Variants in ZFP36L2 observed in about 807,000 individuals in gnomAD.
ZFP36L2 encodes the protein mRNA decay activator protein ZFP36L2.
Under a neutral mutation model 27.9 loss-of-function variants are expected in ZFP36L2, and 16 were observed. That is an observed-to-expected ratio of 0.57 (90% confidence interval 0.39 to 0.87). The LOEUF (loss-of-function observed/expected upper bound fraction) is 0.87, where lower values mean the gene tolerates loss of function less well. Among genes scored for constraint, ZFP36L2 ranks in the 40% least tolerant of loss-of-function variants. ZFP36L2 has a pLI of 0.00. For missense variants in ZFP36L2, 989 were observed against 726.9 expected, an observed-to-expected ratio of 1.36 and a Z score of -4.15; for synonymous variants, 600 against 363.8, an observed-to-expected ratio of 1.65 and a Z score of -7.39.
chr2:43,226,530 A>G lies in ZFP36L2; in HGVS notation c.-215T>C. The G allele has an allele frequency of 1.8e-6, 1 of 553,026 alleles. No homozygotes were observed. 34.3% of individuals were successfully genotyped at this position (553,026 alleles called of 1,614,324 possible). The stretch of plus-strand genomic sequence containing the variant: ...GCAGGGGGGAAGGAGAGAAGCGAGG[A>G]GCGCTCCTCCGCGCCCCGGGGTGCC... On this transcript the variant is annotated 5_prime_UTR_variant, in exon 1 of 2. Coordinates refer to ENST00000282388, the MANE Select transcript of ZFP36L2 (RefSeq NM_006887.5).
In ZFP36L2 at chr2:43,222,597, G is replaced by A. The variant is rs998586117; in HGVS notation, c.*1722C>T. The A allele has an allele frequency of 6.6e-6, 1 of 152,174 alleles. No homozygotes were observed. Among genetic ancestry groups the A allele is most frequent in the Non-Finnish European group, 1.5e-5 (1 of 68,014 alleles). 9.4% of individuals were successfully genotyped at this position (152,174 alleles called of 1,614,324 possible). Reference sequence around the variant, plus strand: ...CATATAGTGCTCCAACTGTACCTACGTACAAACTAAAGCTACCGCTCATTC... The same window carrying A: ...CATATAGTGCTCCAACTGTACCTACATACAAACTAAAGCTACCGCTCATTC... On this transcript the variant is annotated 3_prime_UTR_variant, in exon 2 of 2. Coordinates refer to ENST00000282388, the MANE Select transcript of ZFP36L2 (RefSeq NM_006887.5).
Position 43,226,306 on chromosome 2 carries a change from T to C in ZFP36L2, c.10A>G (p.Thr4Ala), listed in dbSNP as rs1416437321. The C allele has an allele frequency of 1.9e-6, 3 of 1,586,164 alleles. No individual in the cohort carries two copies. The highest frequency in any genetic ancestry group is 1.7e-6 in the Non-Finnish European group (2 of 1,165,412). Reference protein sequence around the residue: MSTTLLSAFYDVDF... With the variant: MSTALLSAFYDVDF... ...ACATCGTAGAAGGCGGACAGAAGTG[T>C]GGTCGACATGTTTCTGGATCCCGCA... The change falls in exon 1 of 2, where the codon ACA becomes GCA. Residue 4 changes from threonine (T) to alanine (A), a missense_variant. Coordinates refer to ENST00000282388, the MANE Select transcript of ZFP36L2 (RefSeq NM_006887.5).
chr2:43,224,823 G>A lies in ZFP36L2; in HGVS notation c.981C>T (p.Ala327=). The part of the protein sequence containing the change: ...GAPTCCASAA[A]AAAAALLYGT... ...CGTACAGCAGAGCGGCCGCAGCCGC[G>A]GCCGCCGCGGAGGCGCAGCATGTCG... Residue 327 remains alanine (A), a synonymous_variant, in exon 2 of 2, where the codon GCC becomes GCT. Transcript: ENST00000282388. The A allele has an allele frequency of 2.1e-6, 3 of 1,422,216 alleles. No individual in the cohort carries two copies. In the South Asian group the frequency reaches 4.4e-5, roughly 21 times the overall value. 88.1% of individuals were successfully genotyped at this position (1,422,216 alleles called of 1,614,324 possible). A position where few individuals can be genotyped will look rare whatever the true frequency, so the allele number is the denominator to read the frequency against.
chr2:43,226,533 G>A lies in ZFP36L2; in HGVS notation c.-218C>T, dbSNP rs1409430606. ...GGGGGGAAGGAGAGAAGCGAGGAGC[G>A]CTCCTCCGCGCCCCGGGGTGCCCGG... On this transcript the variant is annotated 5_prime_UTR_variant, in exon 1 of 2. Transcript: ENST00000282388. The A allele has an allele frequency of 4.8e-5, 26 of 541,004 alleles. No individual in the cohort carries two copies. The highest frequency in any genetic ancestry group is 6.3e-5 in the Non-Finnish European group (20 of 315,632). The allele number at this position is 541,004 out of a possible 1,614,324, so 33.5% of individuals were successfully genotyped here.
rs182566530 is a variant in ZFP36L2, at chr2:43,223,155, G to C, written c.*1164C>G. 4.7e-4 allele frequency: 71 copies of C among 152,290 alleles called. 1 individual carries two copies. The highest frequency in any genetic ancestry group is 1.7e-3 in the African/African-American group (69 of 41,516). The allele number at this position is 152,290 out of a possible 1,614,324, so 9.4% of individuals were successfully genotyped here. On this transcript the variant is annotated 3_prime_UTR_variant, in exon 2 of 2. Coordinates refer to ENST00000282388, the MANE Select transcript of ZFP36L2 (RefSeq NM_006887.5). ...CCTCAAACTACTTCCACAGCATCAAGATCGATTTCTGTCAAGAAATCATGC... is the reference window on the plus strand; with the variant it reads ...CCTCAAACTACTTCCACAGCATCAACATCGATTTCTGTCAAGAAATCATGC...
rs547095498 is a variant in ZFP36L2, at chr2:43,223,389, C to T, written c.*930G>A. ...TTTAACATAATAAAAGAATATATATCTATTGCTTTTCATCATACTTGATAA... is the reference window on the plus strand; with the variant it reads ...TTTAACATAATAAAAGAATATATATTTATTGCTTTTCATCATACTTGATAA... On this transcript the variant is annotated 3_prime_UTR_variant, in exon 2 of 2. Transcript: ENST00000282388. 1 of 152,198 alleles carries T rather than the reference C, an allele frequency of 6.6e-6. No homozygotes were observed. Among genetic ancestry groups the T allele is most frequent in the East Asian group, 1.9e-4 (1 of 5,230 alleles). The allele number at this position is 152,198 out of a possible 1,614,324, so 9.4% of individuals were successfully genotyped here.
chr2:43,226,232 G>C (rs1231761239), intron 1 of ZFP36L2, 33 bp downstream of exon 1: 1 of 1,560,846 alleles, frequency 6.4e-7, no homozygotes, highest in Admixed American at 1.9e-5. Context: ...AACTACAACG[G>C]CTGCTGCCGG....
Position 43,225,573 on chromosome 2 carries a change from C to A in ZFP36L2, c.231G>T (p.Lys77Asn), listed in dbSNP as rs780755352. ...TGCTGCCGTTAGCGGCGCCCGGGAA[C>A]TTGGGCGAGCAGCTGCCGGGGCTGG... ...PAPSPGSCSP[K>N]FPGAANGSSC... Residue 77 changes from lysine to asparagine, a missense_variant, in exon 2 of 2, where the codon AAG becomes AAT. By Grantham distance (94) the Lys-to-Asn change is moderately conservative (BLOSUM62 0). Coordinates refer to ENST00000282388, the MANE Select transcript of ZFP36L2 (RefSeq NM_006887.5). 2.6e-6 allele frequency: 4 copies of A among 1,565,244 alleles called. No homozygotes were observed. Among genetic ancestry groups the A allele is most frequent in the Admixed American group, 1.9e-5 (1 of 54,032 alleles).
At position 43,222,530 on chromosome 2, in the gene ZFP36L2, AC is replaced by A. The variant is rs1188014737; in HGVS notation, c.*1788del. The A allele has an allele frequency of 6.6e-6, 1 of 152,382 alleles. No homozygotes were observed. The highest frequency in any genetic ancestry group is 6.5e-5 in the Admixed American group (1 of 15,284). 9.4% of individuals were successfully genotyped at this position (152,382 alleles called of 1,614,324 possible). A position where few individuals can be genotyped will look rare whatever the true frequency, so the allele number is the denominator to read the frequency against. The stretch of plus-strand genomic sequence containing the variant: ...ACAACTCAAGTTGACTTATCTTGTT[AC>A]ATTCAAAAACCTACTTCTGTCCAAA... On this transcript the variant is annotated 3_prime_UTR_variant, in exon 2 of 2. Transcript: ENST00000282388.
Position 43,224,816 on chromosome 2 carries a change from C to T in ZFP36L2, c.988G>A (p.Ala330Thr), listed in dbSNP as rs1397849016. 6 of 1,420,722 alleles carry T rather than the reference C, an allele frequency of 4.2e-6. No homozygotes were observed. In the African/African-American group the frequency reaches 4.6e-5, roughly 11 times the overall value. 88.0% of individuals were successfully genotyped at this position (1,420,722 alleles called of 1,614,324 possible). A position where few individuals can be genotyped will look rare whatever the true frequency, so the allele number is the denominator to read the frequency against. ...TCCASAAAAA[A>T]AALLYGTGGA... is the part of the protein sequence containing the mutation. ...CCGGTGCCGTACAGCAGAGCGGCCG[C>T]AGCCGCGGCCGCCGCGGAGGCGCAG... The change falls in exon 2 of 2, where the codon GCG becomes ACG. Residue 330 changes from alanine (A) to threonine (T), a missense_variant. Physicochemically the swap from Ala to Thr is moderately conservative, Grantham distance 58 (BLOSUM62 0). Transcript: ENST00000282388.
rs753574780 is a variant in ZFP36L2 at position 43,225,455 on chromosome 2, TCTC to T, written c.346_348del (p.Glu116del). The T allele has an allele frequency of 1.2e-5, 19 of 1,611,936 alleles. No individual in the cohort carries two copies. The highest frequency in any genetic ancestry group is 1.6e-5 in the Non-Finnish European group (19 of 1,179,232). ...CTAAACGAGCGGTCCCGGAATTTGT[TCTC>T]CTTGTTGAGCAGGGCTGTGCCGCCG... On this transcript the variant is annotated inframe_deletion, in exon 2 of 2. Transcript: ENST00000282388.
chr2:43,224,485 G>C lies in ZFP36L2; in HGVS notation c.1319C>G (p.Ser440Trp). Reference sequence around the variant, plus strand: ...GCTGGGGGGCGCGTCGAACACGGGCGAGTCGGACAGGCGGCGCGGCAGCTG... The same window carrying C: ...GCTGGGGGGCGCGTCGAACACGGGCCAGTCGGACAGGCGGCGCGGCAGCTG... Reference protein sequence around the residue: ...SFQLPRRLSDSPVFDAPPSPP... With the variant: ...SFQLPRRLSDWPVFDAPPSPP... The change falls in exon 2 of 2, where the codon TCG becomes TGG. Residue 440 changes from serine (S) to tryptophan (W), a missense_variant. Coordinates refer to ENST00000282388, the MANE Select transcript of ZFP36L2 (RefSeq NM_006887.5). The C allele has an allele frequency of 6.7e-7, 1 of 1,499,832 alleles. No individual in the cohort carries two copies. Among genetic ancestry groups the C allele is most frequent in the Non-Finnish European group, 8.8e-7 (1 of 1,130,146 alleles). The allele number at this position is 1,499,832 out of a possible 1,614,324, so 92.9% of individuals were successfully genotyped here. A position where few individuals can be genotyped will look rare whatever the true frequency, so the allele number is the denominator to read the frequency against.
chr2:43,225,775 G>A (rs748048225), intron 1 of ZFP36L2, 23 bp from the exon 2 acceptor site: 8 of 1,572,732 alleles, frequency 5.1e-6, no homozygotes, highest in South Asian at 4.5e-5. Flanking sequence ...GGGGAGCGGG[G>A]AAGGGATGAA....
Position 43,224,224 on chromosome 2 carries a change from C to A in ZFP36L2, c.*95G>T, listed in dbSNP as rs1039585447. 7.6e-7 allele frequency: 1 copy of A among 1,317,934 alleles called. No homozygotes were observed. The highest frequency in any genetic ancestry group is 1.0e-6 in the Non-Finnish European group (1 of 1,004,784). 81.6% of individuals were successfully genotyped at this position (1,317,934 alleles called of 1,614,324 possible). A position where few individuals can be genotyped will look rare whatever the true frequency, so the allele number is the denominator to read the frequency against. ...CTGCCTAGGGCCCATGTCACCCCCC[C>A]CACTCCCGTGCCCCCAGCAAGGGCG... is the stretch of plus-strand genomic sequence containing the variant. On this transcript the variant is annotated 3_prime_UTR_variant, in exon 2 of 2. Coordinates refer to ENST00000282388, the MANE Select transcript of ZFP36L2 (RefSeq NM_006887.5).
Position 43,224,931 on chromosome 2 carries a change from G to GGGCGGC in ZFP36L2, c.867_872dup (p.Pro290_Pro291dup), listed in dbSNP as rs773405349. 8.3e-5 allele frequency: 129 copies of GGGCGGC among 1,550,320 alleles called. No individual in the cohort carries two copies. Among genetic ancestry groups the GGGCGGC allele is most frequent in the Non-Finnish European group, 1.1e-4 (126 of 1,164,390 alleles). ...AGCAGGACGAGGCCGAAGAGCAGGA[G>GGGCGGC]GGCGGCGGCGGCGTGCGCGACGTGG... On this transcript the variant is annotated inframe_insertion, in exon 2 of 2. Transcript: ENST00000282388.
At position 43,224,600 on chromosome 2, in the gene ZFP36L2, C is replaced by CCTGCTGCTGCTG. The variant is rs556928050; in HGVS notation, c.1192_1203dup (p.Gln398_Gln401dup). On this transcript the variant is annotated inframe_insertion, in exon 2 of 2. Transcript: ENST00000282388. ...GGCGGCTGCGCGGGGGGCGCCAGGCCCTGCTGCTGCTGCTGCTGCTGACTG... is the reference window on the plus strand; with the variant it reads ...GGCGGCTGCGCGGGGGGCGCCAGGCCCTGCTGCTGCTGCTGCTGCTGCTGCTGCTGCTGACTG... The CCTGCTGCTGCTG allele has an allele frequency of 1.1e-5, 15 of 1,413,928 alleles. No individual in the cohort carries two copies. Among genetic ancestry groups the CCTGCTGCTGCTG allele is most frequent in the South Asian group, 1.5e-5 (1 of 67,298 alleles). 87.6% of individuals were successfully genotyped at this position (1,413,928 alleles called of 1,614,324 possible). A position where few individuals can be genotyped will look rare whatever the true frequency, so the allele number is the denominator to read the frequency against.
At position 43,224,855 on chromosome 2, in the gene ZFP36L2, C is replaced by A. The variant is rs538857577; in HGVS notation, c.949G>T (p.Gly317Cys). The A allele has an allele frequency of 6.8e-7, 1 of 1,474,184 alleles. No homozygotes were observed. The highest frequency in any genetic ancestry group is 8.9e-7 in the Non-Finnish European group (1 of 1,126,330). The allele number at this position is 1,474,184 out of a possible 1,614,324, so 91.3% of individuals were successfully genotyped here. Residue 317 changes from glycine (G) to cysteine (C), a missense_variant, in exon 2 of 2, where the codon GGC (glycine) becomes TGC (cysteine). Physicochemically the swap from Gly to Cys is radical, Grantham distance 159. Transcript: ENST00000282388. ...GCGGAGGCGCAGCATGTCGGGGCGCCCGAGGGCGTGGAGGCCGCGGAGGCC... is the reference window on the plus strand; with the variant it reads ...GCGGAGGCGCAGCATGTCGGGGCGCACGAGGGCGTGGAGGCCGCGGAGGCC... ...SSASAASTPS[G>C]APTCCASAAA...
In ZFP36L2 at chr2:43,226,434, A is replaced by T; in HGVS notation, c.-119T>A. On this transcript the variant is annotated 5_prime_UTR_variant, in exon 1 of 2. Coordinates refer to ENST00000282388, the MANE Select transcript of ZFP36L2 (RefSeq NM_006887.5). The stretch of plus-strand genomic sequence containing the variant: ...GGGCGAGGGGCGGGGAGGGGCCGAA[A>T]GTTTGCCGGGGGGCGAGAGGAGAGG... 1 of 1,349,764 alleles carries T rather than the reference A, an allele frequency of 7.4e-7. No individual in the cohort carries two copies. The highest frequency in any genetic ancestry group is 1.0e-6 in the Non-Finnish European group (1 of 973,072). The allele number at this position is 1,349,764 out of a possible 1,614,324, so 83.6% of individuals were successfully genotyped here. A position where few individuals can be genotyped will look rare whatever the true frequency, so the allele number is the denominator to read the frequency against.
At position 43,226,484 on chromosome 2, in the gene ZFP36L2, G is replaced by T. The variant is rs1391149534; in HGVS notation, c.-169C>A. On this transcript the variant is annotated 5_prime_UTR_variant, in exon 1 of 2. Transcript: ENST00000282388. ...GGCGAGTGCAGCGGCGCGGGCCGGC[G>T]GGAGGGTCCGGCGGAGTGCGGCAGG... 9 of 819,788 alleles carry T rather than the reference G, an allele frequency of 1.1e-5. No individual in the cohort carries two copies. The highest frequency in any genetic ancestry group is 2.5e-5 in the Admixed American group (1 of 39,710). 50.8% of individuals were successfully genotyped at this position (819,788 alleles called of 1,614,324 possible).
Sources: allele counts gnomAD v4.1 joint callset, GRCh38; gene constraint gnomAD v4.1.1; transcripts MANE v1.5; gene names NCBI Gene and HGNC (gene_info 2026-07-23, HGNC 2026-07-21).